The following SPECC1 variants were observed in gnomAD, a reference collection of about 807,000 sequenced individuals.
The protein encoded by SPECC1 is sperm antigen with calponin homology and coiled-coil domains 1, also known as cytospin-B.
Under a neutral mutation model 104.1 loss-of-function variants are expected in SPECC1, and 62 were observed. That is an observed-to-expected ratio of 0.60 (90% CI 0.49 to 0.74). The LOEUF (loss-of-function observed/expected upper bound fraction) is 0.74, where lower values mean the gene tolerates loss of function less well. Among genes scored for constraint, SPECC1 ranks in the 30% least tolerant of loss-of-function variants. SPECC1 has a pLI of 0.00. For missense variants in SPECC1, 1,306 were observed against 1,310.5 expected, an observed-to-expected ratio of 1.00 and a Z score of 0.05; for synonymous variants, 513 against 501.6, an observed-to-expected ratio of 1.02 and a Z score of -0.30.
Position 20,257,398 on chromosome 17 carries a change from G to A in SPECC1, c.2681-53G>A, listed in dbSNP as rs531170529. 251 of 1,517,530 alleles carry A rather than the reference G, an allele frequency of 1.7e-4. 1 individual carries two copies. Among genetic ancestry groups the A allele is most frequent in the Admixed American group, 2.1e-4 (9 of 42,238 alleles). The allele number at this position is 1,517,530 out of a possible 1,614,324, so 94.0% of individuals were successfully genotyped here. A position where few individuals can be genotyped will look rare whatever the true frequency, so the allele number is the denominator to read the frequency against. On this transcript the variant is annotated intron_variant, in intron 10 of 14. Coordinates refer to ENST00000395527, the MANE Select transcript of SPECC1 (RefSeq NM_001243439.2). ...TTGTATTTGAGAATGAAGTATGATG[G>A]CAGTCAAGAGCTGCTTCTTTGGGAA...
chr17:20,309,457 A>G (rs998311917), intron 14 of SPECC1, among the ~76,000 whole-genome samples: 9 of 152,316 alleles, frequency 5.9e-5, no homozygotes, highest in Middle Eastern at 3.4e-3. Flanking sequence ...TTACATGGGT[A>G]CACTGGATGA....
At chr17:20,178,818 T>C (rs1189460130) in intron 3 of SPECC1, among the ~76,000 whole-genome samples, 2 of 152,254 alleles carry the variant, frequency 1.3e-5, no homozygotes, top group Non-Finnish European at 2.9e-5. Context: ...CCATCTGAGC[T>C]GAATAAAATG....
At chr17:20,283,811 A>G (rs1250654575) in intron 12 of SPECC1, among the ~76,000 whole-genome samples, 6 of 151,660 alleles carry the variant, frequency 4.0e-5, no homozygotes, top group Admixed American at 3.9e-4. Flanking sequence ...CTGTTCTCAA[A>G]CCCCTGGCCT....
intron 3 of SPECC1, among the ~76,000 whole-genome samples, chr17:20,199,567 A>T (rs1208719744): frequency 6.6e-6 from 1 of 150,590 alleles, no homozygotes; most frequent in Non-Finnish European, 1.5e-5. Context: ...TTCCCAGGCT[A>T]ATGTTTAAAT....
chr17:20,195,056 T>C (rs2035939701), intron 3 of SPECC1, among the ~76,000 whole-genome samples: 1 of 152,252 alleles, frequency 6.6e-6, no homozygotes, highest in Admixed American at 6.5e-5. Context: ...CCGTTTTTTA[T>C]TGGTTCAGTG....
chr17:20,223,848 T>C (rs1168857124), intron 4 of SPECC1, among the ~76,000 whole-genome samples: 1 of 152,218 alleles, frequency 6.6e-6, no homozygotes, highest in Non-Finnish European at 1.5e-5. Flanking sequence ...TCTTATTTAC[T>C]TCATTTGATG....
chr17:20,054,563 G>GTT (rs1215593959), intron 1 of SPECC1, among the ~76,000 whole-genome samples: 1 of 152,138 alleles, frequency 6.6e-6, no homozygotes, highest in African/African-American at 2.4e-5. Context: ...CTCAATGTCT[G>GTT]TTTTTCAGTT....
intron 12 of SPECC1, among the ~76,000 whole-genome samples, chr17:20,264,457 A>ATTTTTTT (rs10565315): frequency 7.2e-5 from 4 of 55,770 alleles, no homozygotes; most frequent in Non-Finnish European, 1.3e-4. Flanking sequence ...TTGGAGACGG[A>ATTTTTTT]TTTTTTTTTT....
intron 1 of SPECC1, among the ~76,000 whole-genome samples, chr17:20,034,805 A>G (rs986735708): frequency 1.3e-5 from 2 of 151,854 alleles, no homozygotes; most frequent in Admixed American, 6.6e-5. Flanking sequence ...GGGCTTCTCC[A>G]TGTTGATCCG....
At chr17:20,236,921 A>G (rs1479808403) in intron 7 of SPECC1, 5 of 1,613,358 alleles carry the variant, frequency 3.1e-6, no homozygotes, top group Admixed American at 1.7e-5. Context: ...AGCTCTTGCC[A>G]TGATTGGGAG....
In SPECC1 at chr17:20,247,230, C is replaced by G; in HGVS notation, c.2509C>G (p.Gln837Glu). The change falls in exon 9 of 15, where the codon CAG becomes GAG. Residue 837 changes from glutamine to glutamate, a missense_variant. This residue lies in a region of SPECC1 where 1,177 missense variants were observed against 1,139.9 expected (regional missense o/e 1.03). Coordinates refer to ENST00000395527, the MANE Select transcript of SPECC1 (RefSeq NM_001243439.2). ...FDLGRPGGAG[Q>E]NISVHKTPRS... ...TTTTTTCTTGGCAGGTGGAGCTGGA[C>G]AGAATATTTCTGTCCATAAGACCCC... 6.2e-7 allele frequency: 1 copy of G among 1,612,520 alleles called. No homozygotes were observed. Among genetic ancestry groups the G allele is most frequent in the Admixed American group, 1.7e-5 (1 of 59,842 alleles).
chr17:20,069,131 TCTGTTGTTTCCTC>T (rs2046459429), intron 1 of SPECC1, among the ~76,000 whole-genome samples: 1 of 152,336 alleles, frequency 6.6e-6, no homozygotes, highest in East Asian at 1.9e-4. Flanking sequence ...CCCTCAAGTG[TCTGTTGTTTCCTC>T]CTTTGTGTTT....
At chr17:20,086,844 C>T (rs2047198095) in intron 1 of SPECC1, among the ~76,000 whole-genome samples, 1 of 152,206 alleles carries the variant, frequency 6.6e-6, no homozygotes, top group Non-Finnish European at 1.5e-5. Flanking sequence ...GTAGAGCACA[C>T]AGAGGTTTTG....
intron 1 of SPECC1, among the ~76,000 whole-genome samples, chr17:20,094,676 TTA>T (rs1166704192): frequency 4.5e-3 from 30 of 6,642 alleles, no homozygotes; most frequent in East Asian, 0.023. Context: ...ATCCAGTCCT[TTA>T]TTTTTTTTTT....
chr17:20,211,683 A>C (rs545495780), intron 4 of SPECC1, among the ~76,000 whole-genome samples: 1 of 152,158 alleles, frequency 6.6e-6, no homozygotes, highest in African/African-American at 2.4e-5. Context: ...AAGCCCCTTG[A>C]AAAGGGGCAG....
intron 3 of SPECC1, among the ~76,000 whole-genome samples, chr17:20,142,326 C>G (rs1320186628): frequency 6.6e-6 from 1 of 152,016 alleles, no homozygotes; most frequent in Non-Finnish European, 1.5e-5. Flanking sequence ...GTTATATACC[C>G]AAAATAATTG....
intron 1 of SPECC1, among the ~76,000 whole-genome samples, chr17:20,028,916 C>T (rs1480007247): frequency 6.6e-6 from 1 of 152,170 alleles, no homozygotes; most frequent in Non-Finnish European, 1.5e-5. Context: ...GCATGTGCCA[C>T]CACGCCTGAC....
At position 20,050,795 on chromosome 17, in the gene SPECC1, A is replaced by G. The variant is rs186336976; in HGVS notation, c.-22+41371A>G. On this transcript the variant is annotated intron_variant, in intron 1 of 14. Coordinates refer to ENST00000395527, the MANE Select transcript of SPECC1 (RefSeq NM_001243439.2). ...CTGGCCCAACTTAGGCTCACATTTG[A>G]TAACTTCATGTTAGTAAGCATCCTC... 2.8e-4 allele frequency among the ~76,000 whole-genome samples: 43 copies of G among 152,314 alleles called. No individual in the cohort carries two copies. In the East Asian group the frequency reaches 8.1e-3, roughly 29 times the overall value.
chr17:20,289,822 A>G (rs895878827), intron 12 of SPECC1, among the ~76,000 whole-genome samples: 17 of 152,222 alleles, frequency 1.1e-4, no homozygotes, highest in African/African-American at 3.6e-4. Context: ...GTCTTTATTT[A>G]GGAGTATAAT....
Sources: gnomAD v4.1 joint callset for allele counts (sites outside exome capture counted in the v4.1 genomes callset) on GRCh38, gnomAD v4.1.1 for gene constraint, gnomAD v4.1.1 regional missense constraint, MANE v1.5 for transcripts, NCBI Gene and HGNC (gene_info 2026-07-23, HGNC 2026-07-21) for gene names.